Variants in FABP6 observed in about 807,000 individuals in gnomAD.
FABP6 encodes gastrotropin.
FABP6 carries 13 observed loss-of-function variants against 14.9 expected under a neutral mutation model. The ratio of observed to expected loss-of-function variants is 0.87; its 90% CI spans 0.57 to 1.39. The LOEUF (loss-of-function observed/expected upper bound fraction) is 1.39. Among genes scored for constraint, FABP6 ranks in the 40% most tolerant of loss-of-function variants. The pLI, the probability that FABP6 is intolerant of heterozygous loss-of-function variation, is 0.00. For synonymous variants in FABP6, 75 were observed against 63.6 expected (o/e 1.18, Z -0.85); for missense variants, 161 against 167.2 (o/e 0.96, Z 0.20).
At chr5:160,216,839 G>C (rs1760022489) in intron 3 of FABP6, among the ~76,000 whole-genome samples, 2 of 152,150 alleles carry the variant, frequency 1.3e-5, no homozygotes, top group Non-Finnish European at 2.9e-5. Context: ...ATGGTTGTCT[G>C]GTGCTTTGGG....
At chr5:160,209,490 C>A (rs913334153) in intron 2 of FABP6, among the ~76,000 whole-genome samples, 10 of 152,084 alleles carry the variant, frequency 6.6e-5, no homozygotes, top group Non-Finnish European at 1.0e-4. Flanking sequence ...CCCATGCACT[C>A]CAGCCTGGGT....
chr5:160,201,281 C>T (rs1346677553), intron 2 of FABP6, among the ~76,000 whole-genome samples: 1 of 151,910 alleles, frequency 6.6e-6, no homozygotes, highest in Non-Finnish European at 1.5e-5. Context: ...TCACTTGTGT[C>T]CAGGAGGTCG....
chr5:160,229,821 T>A (rs1032837464), intron 1 of FABP6, among the ~76,000 whole-genome samples, 197 bp downstream of exon 1: 4 of 128,028 alleles, frequency 3.1e-5, no homozygotes, highest in Non-Finnish European at 6.5e-5. Context: ...CTCTTTAACT[T>A]TTTTATTTTA....
chr5:160,210,335 T>C (rs575354442), intron 2 of FABP6, among the ~76,000 whole-genome samples: 1 of 152,324 alleles, frequency 6.6e-6, no homozygotes, highest in South Asian at 2.1e-4. Flanking sequence ...ATGACAATAA[T>C]TGAGAAGCTG....
At chr5:160,197,881 G>A (rs546224084) in intron 1 of FABP6, 40 of 153,396 alleles carry the variant, frequency 2.6e-4, no homozygotes, top group African/African-American at 9.2e-4. Flanking sequence ...CCTGGAGACC[G>A]CTTGTCTCTG....
At chr5:160,202,535 G>A (rs1006890999) in intron 2 of FABP6, among the ~76,000 whole-genome samples, 3 of 152,106 alleles carry the variant, frequency 2.0e-5, no homozygotes, top group Non-Finnish European at 4.4e-5. Flanking sequence ...GGTGGCTCAC[G>A]CCCGTAATCC....
At position 160,214,089 on chromosome 5, in the gene FABP6, C is replaced by CTCTTTCTT. The variant is rs10605033; in HGVS notation, c.135+333_135+340dup. On this transcript the variant is annotated intron_variant, in intron 3 of 6. Transcript: ENST00000393980. ...GCTCAAGTAGGTTTTGCCTGCCTTT[C>CTCTTTCTT]TCTTTCTTTCTTTCTTTCTTTCTTT... 1.1e-3 allele frequency among the ~76,000 whole-genome samples: 123 copies of CTCTTTCTT among 116,382 alleles called. 1 individual carries two copies. The highest frequency in any genetic ancestry group is 2.2e-3 in the South Asian group (7 of 3,190). 76.4% of individuals were successfully genotyped at this position (116,382 alleles called of 152,430 possible).
upstream of FABP6, chr5:160,228,648 C>T (rs1760303094): frequency 4.8e-6 from 2 of 420,912 alleles, no homozygotes; most frequent in Admixed American, 5.1e-5. Context: ...AGCCCAGTGC[C>T]TGGTGCACAG....
intron 1 of FABP6, among the ~76,000 whole-genome samples, chr5:160,192,164 T>TC (rs1035544893): frequency 1.2e-4 from 19 of 152,108 alleles, no homozygotes; most frequent in African/African-American, 4.6e-4. Flanking sequence ...CAGCCAGCCT[T>TC]CCCTGGCAAT....
intron 3 of FABP6, among the ~76,000 whole-genome samples, chr5:160,236,381 C>A (rs1760515687): frequency 6.6e-6 from 1 of 152,098 alleles, no homozygotes; most frequent in South Asian, 2.1e-4. Flanking sequence ...TTAATTACCC[C>A]CTAAAGGTCC....
chr5:160,227,819 CGTGTGT>C (rs763474232), upstream of FABP6, among the ~76,000 whole-genome samples: 2 of 145,654 alleles, frequency 1.4e-5, no homozygotes, highest in African/African-American at 2.5e-5. Context: ...AAATCCATGA[CGTGTGT>C]GTGTGTGTGT....
intron 1 of FABP6, chr5:160,195,981 C>G (rs1418679736): frequency 6.6e-6 from 1 of 152,444 alleles, no homozygotes. Flanking sequence ...CTGGCATCAG[C>G]AGTATCACTC....
intron 2 of FABP6, among the ~76,000 whole-genome samples, chr5:160,204,988 AAC>A (rs201575218): frequency 0.02 from 2,998 of 152,250 alleles, 97 homozygotes; most frequent in African/African-American, 0.068. Flanking sequence ...AAGGGGGCGT[AAC>A]AGCTAAGGTT....
upstream of FABP6, among the ~76,000 whole-genome samples, chr5:160,229,274 C>A (rs1459772492): frequency 6.6e-6 from 1 of 152,084 alleles, no homozygotes; most frequent in Non-Finnish European, 1.5e-5. Context: ...GAGAGATGGG[C>A]AGAGAGGTGA....
intron 3 of FABP6, among the ~76,000 whole-genome samples, chr5:160,223,751 C>T (rs1448497205): frequency 4.0e-5 from 6 of 151,474 alleles, no homozygotes; most frequent in Admixed American, 6.6e-5. Context: ...CCATCCATTC[C>T]CCATCTCTCT....
chr5:160,205,317 CAAAAAAAAAAA>C lies in FABP6; in HGVS notation c.51+6172_51+6182del, dbSNP rs1163175404. ...TGGGTGACAGAGCAAGACTTCATCT[CAAAAAAAAAAA>C]AAAAAAAAAAAGCAACTGAAATACC... is the stretch of plus-strand genomic sequence containing the variant. On this transcript the variant is annotated intron_variant, in intron 2 of 6. Coordinates refer to the FABP6 transcript ENST00000393980. 5.7e-4 allele frequency among the ~76,000 whole-genome samples: 38 copies of C among 67,090 alleles called. 1 individual carries two copies. The highest frequency in any genetic ancestry group is 8.5e-4 in the Non-Finnish European group (32 of 37,570). The allele number at this position is 67,090 out of a possible 152,430, so 44.0% of individuals were successfully genotyped here.
intron 1 of FABP6, among the ~76,000 whole-genome samples, chr5:160,189,507 T>C (rs560469993): frequency 1.3e-5 from 2 of 152,292 alleles, no homozygotes; most frequent in East Asian, 3.9e-4. Context: ...TCTCCCAAAG[T>C]GTTGGAATTA....
chr5:160,192,811 G>C (rs184260224), intron 1 of FABP6, among the ~76,000 whole-genome samples: 5 of 152,336 alleles, frequency 3.3e-5, no homozygotes, highest in Non-Finnish European at 5.9e-5. Context: ...GTGGCTCCTG[G>C]ATCATATAAG....
chr5:160,233,723 A>T (rs1428592346), intron 2 of FABP6, among the ~76,000 whole-genome samples: 1 of 152,070 alleles, frequency 6.6e-6, no homozygotes, highest in Non-Finnish European at 1.5e-5. Context: ...AAATACAAAA[A>T]TTAGCCAGGC....
Sources: allele counts gnomAD v4.1 joint callset (sites outside exome capture counted in the v4.1 genomes callset), GRCh38; gene constraint gnomAD v4.1.1; transcripts MANE v1.5; gene names NCBI Gene and HGNC (gene_info 2026-07-23, HGNC 2026-07-21).